The following DNMT1 variants were observed in gnomAD, a reference collection of about 807,000 sequenced individuals.
The protein encoded by DNMT1 is DNA methyltransferase 1, also known as DNA (cytosine-5)-methyltransferase 1.
Under a neutral mutation model 205.3 loss-of-function variants are expected in DNMT1, and 24 were observed. That is an observed-to-expected ratio of 0.12 (90% confidence interval 0.08 to 0.16). The LOEUF (loss-of-function observed/expected upper bound fraction) is 0.16. DNMT1 is among the 10% of genes least tolerant of loss of function. The pLI is 1.00. For missense variants in DNMT1, 1,293 were observed against 2,177.7 expected, an observed-to-expected ratio of 0.59 and a Z score of 8.09; for synonymous variants, 817 against 839.8, an observed-to-expected ratio of 0.97 and a Z score of 0.47.
Position 10,140,030 on chromosome 19 carries a change from G to A in DNMT1, c.3806+16C>T, listed in dbSNP as rs545866882. ...CCGGGCCGTCTGGCAACACTGGGGG[G>A]CTTCTACCCGTTTACCTGAGGAAGG... On this transcript the variant is annotated intron_variant, in intron 33 of 40. Transcript: ENST00000359526. The surrounding 1 kb of genome is among the most constrained non-coding windows in gnomAD (Gnocchi z 8.4). 47 of 1,605,608 alleles carry A rather than the reference G, an allele frequency of 2.9e-5. No individual in the cohort carries two copies. In the South Asian group the frequency reaches 4.3e-4, roughly 15 times the overall value.
At chr19:10,183,491 G>A (rs969513598) in intron 1 of DNMT1, among the ~76,000 whole-genome samples, 3 of 152,138 alleles carry the variant, frequency 2.0e-5, no homozygotes, top group Admixed American at 1.3e-4. Flanking sequence ...AGGCCAAGGC[G>A]AGCGGATCAC....
In DNMT1 at chr19:10,145,499, G is replaced by A. The variant is rs756192090; in HGVS notation, c.2894+852C>T. On this transcript the variant is annotated intron_variant, in intron 28 of 40. Transcript: ENST00000359526. ...ACGTTGGCTGTAATTCCAACCACAC[G>A]CTGATTCTTAGAAAAAACACAGAAT... Among the ~76,000 whole-genome samples, 11 of 152,318 alleles carry A rather than the reference G, an allele frequency of 7.2e-5. No homozygotes were observed. In the South Asian group the frequency reaches 1.7e-3, roughly 23 times the overall value.
chr19:10,162,761 C>A lies in DNMT1; in HGVS notation c.927-13G>T, dbSNP rs2038601214. ...CCGTTTGGCAGCTCTGCAGGGTGAA[C>A]AGATACACAGCAAGTAGCAGCTTAG... On this transcript the variant is annotated splice_polypyrimidine_tract_variant and intron_variant, in intron 12 of 40. Transcript: ENST00000359526. The A allele has an allele frequency of 6.2e-7, 1 of 1,613,690 alleles. No homozygotes were observed. The highest frequency in any genetic ancestry group is 2.2e-5 in the East Asian group (1 of 44,866).
chr19:10,159,820 C>A lies in DNMT1; in HGVS notation c.1170+22G>T, dbSNP rs749586075. The A allele has an allele frequency of 8.7e-6, 14 of 1,614,194 alleles. No homozygotes were observed. Among genetic ancestry groups the A allele is most frequent in the Admixed American group, 6.7e-5 (4 of 60,024 alleles). On this transcript the variant is annotated intron_variant, in intron 16 of 40. Transcript: ENST00000359526. The surrounding 1 kb of genome is among the most constrained non-coding windows in gnomAD (Gnocchi z 5.0). ...GGGACAAGGGACAGGCAGAGGAAGG[C>A]TGGGAAGAGAGCTGTACGTACCGCG...
chr19:10,134,138 C>A, intron 40 of DNMT1, 79 bp downstream of exon 40: 1 of 1,519,886 alleles, frequency 6.6e-7, no homozygotes, highest in Non-Finnish European at 9.1e-7. Context: ...GAGCCCAAAA[C>A]GGTGGCCAGC....
chr19:10,170,265 A>C (rs748106137), intron 9 of DNMT1, among the ~76,000 whole-genome samples: 10 of 152,108 alleles, frequency 6.6e-5, no homozygotes, highest in Non-Finnish European at 1.3e-4. Context: ...AGCCTGAGCG[A>C]AAGAGCAAAA....
intron 13 of DNMT1, 132 bp from the exon 14 acceptor site, chr19:10,160,550 C>T: frequency 1.1e-6 from 1 of 920,474 alleles, no homozygotes; most frequent in Non-Finnish European, 1.7e-6. Flanking sequence ...AGTGAGAGGG[C>T]CAGCAGGTGA....
intron 11 of DNMT1, 130 bp from the exon 12 acceptor site, chr19:10,163,490 G>T: frequency 2.3e-6 from 2 of 884,866 alleles, no homozygotes; most frequent in Non-Finnish European, 3.7e-6. Flanking sequence ...CTGGAAGACA[G>T]GCAGGCCTGG....
intron 26 of DNMT1, 117 bp downstream of exon 26, chr19:10,149,330 CAAAAAA>C: frequency 1.0e-6 from 1 of 993,036 alleles, no homozygotes. Flanking sequence ...AGTCTCAAAA[CAAAAAA>C]AAAAACAAAA....
At chr19:10,170,273 A>C (rs934097675) in intron 9 of DNMT1, among the ~76,000 whole-genome samples, 2 of 152,062 alleles carry the variant, frequency 1.3e-5, no homozygotes, top group Admixed American at 6.6e-5. Context: ...CGAAAGAGCA[A>C]AATTCCATCT....
In DNMT1 at chr19:10,194,828, G is replaced by C; in HGVS notation, c.72C>G (p.Val24=). The change falls in exon 1 of 41, where the codon GTC becomes GTG. Residue 24 remains valine (V), a synonymous_variant. Coordinates refer to ENST00000359526, the MANE Select transcript of DNMT1 (RefSeq NM_001130823.3). ...CCCCCCATGGTACCTACCGCCTGCG[G>C]ACATCGTCGGGCAGCGAGATGGCCG... ...AVPAISLPDD[V]RRRLKDLERD... is the part of the protein sequence containing the mutation. 1 of 1,611,948 alleles carries C rather than the reference G, an allele frequency of 6.2e-7. No homozygotes were observed. Among genetic ancestry groups the C allele is most frequent in the South Asian group, 1.1e-5 (1 of 90,930 alleles).
At chr19:10,187,858 A>G (rs1457207502) in intron 1 of DNMT1, among the ~76,000 whole-genome samples, 1 of 151,552 alleles carries the variant, frequency 6.6e-6, no homozygotes, top group African/African-American at 2.4e-5. Context: ...GTAATTAGTA[A>G]TTAGCTGGGT....
At chr19:10,193,206 G>C (rs1273616008) in intron 1 of DNMT1, among the ~76,000 whole-genome samples, 1 of 151,956 alleles carries the variant, frequency 6.6e-6, no homozygotes, top group African/African-American at 2.4e-5. Flanking sequence ...CAAAAACTAA[G>C]AAAGTCATCT....
chr19:10,162,957 G>C (rs2038607409), intron 12 of DNMT1: 1 of 490,018 alleles, frequency 2.0e-6, no homozygotes, highest in Non-Finnish European at 3.6e-6. Context: ...CAGGTTTCTA[G>C]AACAGGCTTT....
rs548747998 is a variant in DNMT1 at position 10,156,217 on chromosome 19, A to T, written c.1399+174T>A. 4.0e-5 allele frequency among the ~76,000 whole-genome samples: 6 copies of T among 150,016 alleles called. No homozygotes were observed. Among genetic ancestry groups the T allele is most frequent in the East Asian group, 3.9e-4 (2 of 5,144 alleles). ...TGTATACTATATATATATGCTATAT[A>T]TTTTTTTTTAATAGAGGCAGGCTCT... On this transcript the variant is annotated intron_variant, in intron 18 of 40. Coordinates refer to ENST00000359526, the MANE Select transcript of DNMT1 (RefSeq NM_001130823.3). This position sits in a 1 kb window ranked among gnomAD's most constrained non-coding sequence, Gnocchi z 4.2.
chr19:10,152,034 C>T (rs546392096), intron 22 of DNMT1, among the ~76,000 whole-genome samples, 187 bp from the exon 23 acceptor site: 3 of 151,372 alleles, frequency 2.0e-5, no homozygotes, highest in African/African-American at 7.3e-5. Context: ...GTAGGGTGTG[C>T]CTGTAATCCC....
intron 1 of DNMT1, among the ~76,000 whole-genome samples, chr19:10,194,272 G>GCCAGC (rs1177303658): frequency 1.3e-5 from 2 of 152,202 alleles, no homozygotes; most frequent in African/African-American, 4.8e-5. Flanking sequence ...TCGAACATGA[G>GCCAGC]CCAGCCCAGC....
At chr19:10,181,857 C>A (rs751746958) in intron 2 of DNMT1, among the ~76,000 whole-genome samples, 184 bp downstream of exon 2, 44 of 151,692 alleles carry the variant, frequency 2.9e-4, no homozygotes, top group Non-Finnish European at 5.0e-4. Context: ...CAAAAAAAAA[C>A]ACCACCACCA....
chr19:10,182,382 T>C (rs1007751256), intron 1 of DNMT1, among the ~76,000 whole-genome samples: 7 of 144,182 alleles, frequency 4.9e-5, no homozygotes, highest in African/African-American at 1.3e-4. Flanking sequence ...TGTATATATA[T>C]ACATATATAT....
Sources: gnomAD v4.1 joint callset for allele counts (sites outside exome capture counted in the v4.1 genomes callset) on GRCh38, gnomAD v4.1.1 for gene constraint, Gnocchi (gnomAD v3.1) non-coding constraint, MANE v1.5 for transcripts, NCBI Gene and HGNC (gene_info 2026-07-23, HGNC 2026-07-21) for gene names.